TARS3: variants seen among roughly 807,000 people sequenced by gnomAD.
TARS3 encodes the protein threonine--tRNA ligase 2, cytoplasmic.
TARS3 carries 94 observed loss-of-function variants against 103.5 expected under a neutral mutation model. The ratio of observed to expected loss-of-function variants is 0.91; its 90% confidence interval spans 0.77 to 1.08. The LOEUF (loss-of-function observed/expected upper bound fraction) is 1.08, where lower values mean the gene tolerates loss of function less well. Ranked by LOEUF, TARS3 falls within the 50% of genes least tolerant of loss-of-function variation. The pLI is 0.00. For missense variants in TARS3, 952 were observed against 995.2 expected (o/e 0.96, Z 0.58); for synonymous variants, 416 against 355.4 (o/e 1.17, Z -1.92).
intron 12 of TARS3, among the ~76,000 whole-genome samples, chr15:101,678,016 T>C (rs1014655206): frequency 5.4e-5 from 8 of 148,654 alleles, no homozygotes; most frequent in African/African-American, 2.0e-4. Flanking sequence ...GGAGTATCAC[T>C]GTCACCCAGG....
In TARS3 at chr15:101,664,976, A is replaced by T. The variant is rs371001965; in HGVS notation, c.1968-3160T>A. On this transcript the variant is annotated intron_variant, in intron 15 of 18. Coordinates refer to ENST00000335968, the MANE Select transcript of TARS3 (RefSeq NM_152334.3). ...CAATCACAGAAAGTTTTAAAAAGTCATTCGATGGATTCAGTAGCAACAGAG... is the reference window on the plus strand; with the variant it reads ...CAATCACAGAAAGTTTTAAAAAGTCTTTCGATGGATTCAGTAGCAACAGAG... 2.8e-4 allele frequency among the ~76,000 whole-genome samples: 42 copies of T among 152,352 alleles called. No homozygotes were observed. The East Asian group carries it at 2.9e-3, about 10-fold the overall frequency.
chr15:101,659,321 AAC>A (rs1047990384), intron 16 of TARS3, among the ~76,000 whole-genome samples: 16 of 152,300 alleles, frequency 1.1e-4, no homozygotes, highest in African/African-American at 3.9e-4. Flanking sequence ...TCAAATTACA[AAC>A]ACAAAACAAT....
intron 15 of TARS3, among the ~76,000 whole-genome samples, chr15:101,663,413 G>A (rs1351905209): frequency 6.6e-6 from 1 of 152,224 alleles, no homozygotes; most frequent in Non-Finnish European, 1.5e-5. Flanking sequence ...TACAGCTTAA[G>A]TGTGTAGTGG....
chr15:101,667,222 G>C (rs192025960), intron 15 of TARS3, among the ~76,000 whole-genome samples: 6 of 151,974 alleles, frequency 3.9e-5, no homozygotes, highest in Non-Finnish European at 7.4e-5. Context: ...CTTTGTTGTT[G>C]CATTTCTAGA....
Position 101,724,288 on chromosome 15 carries a change from C to T in TARS3, c.100G>A (p.Asp34Asn). The change falls in exon 1 of 19, where the codon GAC becomes AAC. Residue 34 changes from aspartate (D) to asparagine (N), a missense_variant. Coordinates refer to ENST00000335968, the MANE Select transcript of TARS3 (RefSeq NM_152334.3). ...CTGTAGGGCGCGTTCAGCTGCTCGTCCCTCAGGCGCTCGACCTCCGACCAC... is the reference window on the plus strand; with the variant it reads ...CTGTAGGGCGCGTTCAGCTGCTCGTTCCTCAGGCGCTCGACCTCCGACCAC... ...WLWSEVERLRDEQLNAPYSCQ... is the reference protein window; with the variant it reads ...WLWSEVERLRNEQLNAPYSCQ... 6.4e-7 allele frequency: 1 copy of T among 1,573,672 alleles called. No individual in the cohort carries two copies. Among genetic ancestry groups the T allele is most frequent in the Non-Finnish European group, 8.6e-7 (1 of 1,166,350 alleles).
At chr15:101,697,348 G>A (rs941381983) in intron 10 of TARS3, among the ~76,000 whole-genome samples, 2 of 152,178 alleles carry the variant, frequency 1.3e-5, no homozygotes, top group African/African-American at 4.8e-5. Context: ...GCCAGAAACA[G>A]ATGGTGGGTA....
intron 3 of TARS3, among the ~76,000 whole-genome samples, chr15:101,716,752 G>A (rs2141454290): frequency 6.6e-6 from 1 of 152,020 alleles, no homozygotes; most frequent in East Asian, 1.9e-4. Flanking sequence ...ATTTCTGTCA[G>A]AATATATTGC....
intron 13 of TARS3, 41 bp from the exon 14 acceptor site, chr15:101,671,789 T>A (rs536086377): frequency 6.5e-7 from 1 of 1,537,478 alleles, no homozygotes; most frequent in Non-Finnish European, 8.9e-7. Context: ...ATACACTGTA[T>A]CTTTTTTTTT....
intron 2 of TARS3, among the ~76,000 whole-genome samples, chr15:101,721,642 G>A (rs1390287015): frequency 6.6e-6 from 1 of 152,090 alleles, no homozygotes; most frequent in East Asian, 1.9e-4. Context: ...TTACAGGCAC[G>A]CACCACCCTG....
chr15:101,721,149 A>T lies in TARS3; in HGVS notation c.543T>A (p.Pro181=), dbSNP rs750935602. 1 of 1,597,462 alleles carries T rather than the reference A, an allele frequency of 6.3e-7. No individual in the cohort carries two copies. ...TVQGEVWKTT[P]YQVAAEISQE... is the part of the protein sequence containing the mutation. The stretch of plus-strand genomic sequence containing the variant: ...ACCTAATTTCAGCAGCCACTTGGTA[A>T]GGCGTTGTTTTCCAGACTTCCCCTT... Residue 181 remains proline, a synonymous_variant, in exon 3 of 19, where the codon CCT becomes CCA. Coordinates refer to ENST00000335968, the MANE Select transcript of TARS3 (RefSeq NM_152334.3).
At chr15:101,715,458 TA>T (rs1247975686) in intron 3 of TARS3, among the ~76,000 whole-genome samples, 1 of 152,088 alleles carries the variant, frequency 6.6e-6, no homozygotes, top group Non-Finnish European at 1.5e-5. Context: ...ATTCACTGTT[TA>T]AAAAAAACTT....
chr15:101,720,352 A>G (rs565571466), intron 3 of TARS3, among the ~76,000 whole-genome samples: 2 of 152,332 alleles, frequency 1.3e-5, no homozygotes, highest in East Asian at 1.9e-4. Context: ...TCAAAACAAT[A>G]TAAGTTCACT....
At chr15:101,705,028 T>G (rs1307135223) in intron 7 of TARS3, among the ~76,000 whole-genome samples, 4 of 152,094 alleles carry the variant, frequency 2.6e-5, no homozygotes, top group Admixed American at 6.5e-5. Flanking sequence ...GGCGGTACTG[T>G]GATAGTCCTA....
intron 18 of TARS3, among the ~76,000 whole-genome samples, chr15:101,656,552 C>T (rs1429311262): frequency 6.6e-6 from 1 of 151,992 alleles, no homozygotes; most frequent in Non-Finnish European, 1.5e-5. Flanking sequence ...TAGTTTAATC[C>T]CAAAGTTTCC....
At chr15:101,679,459 A>G (rs1264692913) in intron 12 of TARS3, among the ~76,000 whole-genome samples, 16 of 151,796 alleles carry the variant, frequency 1.1e-4, no homozygotes, top group Admixed American at 3.3e-4. Flanking sequence ...GTTCTTCTTT[A>G]TATCTTCTAT....
chr15:101,724,147 G>A lies in TARS3; in HGVS notation c.241C>T (p.Arg81Cys). ...TCCGCGCTCTCCAGCGTGGCCTGGCGGCTCCGCTCCTCGGCGAGGCACAGC... is the reference window on the plus strand; with the variant it reads ...TCCGCGCTCTCCAGCGTGGCCTGGCAGCTCCGCTCCTCGGCGAGGCACAGC... Reference protein sequence around the residue: ...LRLCLAEERSRQATLESAELE... With the variant: ...LRLCLAEERSCQATLESAELE... The change falls in exon 1 of 19, where the codon CGC becomes TGC. Residue 81 changes from arginine to cysteine, a missense_variant. Coordinates refer to ENST00000335968, the MANE Select transcript of TARS3 (RefSeq NM_152334.3). The A allele has an allele frequency of 2.7e-6, 4 of 1,459,676 alleles. No individual in the cohort carries two copies. In the South Asian group the frequency reaches 4.0e-5, roughly 15 times the overall value. 90.4% of individuals were successfully genotyped at this position (1,459,676 alleles called of 1,614,324 possible).
intron 10 of TARS3, among the ~76,000 whole-genome samples, chr15:101,691,904 A>C (rs931197483): frequency 5.5e-5 from 8 of 146,568 alleles, no homozygotes; most frequent in African/African-American, 2.0e-4. Flanking sequence ...CTTTTTTTAG[A>C]TTCATCAGCT....
chr15:101,722,755 G>A (rs562430939), intron 2 of TARS3, among the ~76,000 whole-genome samples: 2 of 151,230 alleles, frequency 1.3e-5, no homozygotes, highest in Admixed American at 6.6e-5. Context: ...GGAGGTGGAG[G>A]CTGCAGTAAC....
intron 9 of TARS3, 115 bp from the exon 10 acceptor site, chr15:101,701,299 C>G (rs1212160151): frequency 1.8e-6 from 1 of 550,984 alleles, no homozygotes; most frequent in Non-Finnish European, 3.1e-6. Context: ...CATTCCAAGG[C>G]CATTCAACAC....
Sources: allele counts gnomAD v4.1 joint callset (sites outside exome capture counted in the v4.1 genomes callset), GRCh38; gene constraint gnomAD v4.1.1; transcripts MANE v1.5; gene names NCBI Gene and HGNC (gene_info 2026-07-23, HGNC 2026-07-21).